The following PNLIP variants were observed in gnomAD, a reference collection of about 807,000 sequenced individuals.
PNLIP encodes pancreatic triacylglycerol lipase.
PNLIP carries 49 observed loss-of-function variants against 57.1 expected under a neutral mutation model. The ratio of observed to expected loss-of-function variants is 0.86; its 90% CI spans 0.68 to 1.09. The LOEUF (loss-of-function observed/expected upper bound fraction) is 1.09. PNLIP is among the 50% of genes least tolerant of loss of function. PNLIP has a pLI of 0.00. For synonymous variants in PNLIP, 209 were observed against 200.4 expected, an observed-to-expected ratio of 1.04 and a Z score of -0.36; for missense variants, 503 against 570.2, an observed-to-expected ratio of 0.88 and a Z score of 1.20.
intron 12 of PNLIP, 42 bp from the exon 13 acceptor site, chr10:116,567,693 G>T (rs765041132): frequency 1.4e-5 from 21 of 1,532,634 alleles, no homozygotes; most frequent in Non-Finnish European, 1.9e-5. Context: ...CCAGATATGT[G>T]CCAGGAAGAG....
Position 116,553,793 on chromosome 10 carries a change from G to A in PNLIP, c.526G>A (p.Gly176Arg), listed in dbSNP as rs1339962883. ...CCACAGCCTGGGTGCCCACGCTGCT[G>A]GGGAGGCTGGAAGGAGAACCAATGG... ...IGHSLGAHAA[G>R]EAGRRTNGTI... The change falls in exon 6 of 13, where the codon GGG becomes AGG. Residue 176 changes from glycine to arginine, a missense_variant. By Grantham distance (125) the Gly-to-Arg change is moderately radical. Transcript: ENST00000369221. The A allele has an allele frequency of 1.9e-6, 3 of 1,613,248 alleles. No homozygotes were observed. Among genetic ancestry groups the A allele is most frequent in the Non-Finnish European group, 1.7e-6 (2 of 1,179,538 alleles).
chr10:116,556,223 G>C (rs1400940831), intron 9 of PNLIP, 105 bp downstream of exon 9: 6 of 690,214 alleles, frequency 8.7e-6, no homozygotes, highest in Non-Finnish European at 1.3e-5. Context: ...TTATACTTTT[G>C]AACTTATACA....
Position 116,555,225 on chromosome 10 carries a change from C to A in PNLIP, c.619C>A (p.Arg207=). The A allele has an allele frequency of 6.2e-7, 1 of 1,614,166 alleles. No individual in the cohort carries two copies. The highest frequency in any genetic ancestry group is 1.1e-5 in the South Asian group (1 of 91,084). The change falls in exon 7 of 13, where the codon CGA becomes AGA. Residue 207 remains arginine (R), a synonymous_variant. Coordinates refer to ENST00000369221, the MANE Select transcript of PNLIP (RefSeq NM_000936.4). ...PCFQGTPELV[R]LDPSDAKFVD... ...CTTTCAGGGCACACCTGAATTAGTC[C>A]GATTGGACCCCAGCGATGCCAAATT...
Position 116,547,371 on chromosome 10 carries a change from C to T in PNLIP, c.124C>T (p.His42Tyr). Reference sequence around the variant, plus strand: ...GTCAGGAATTACGGAAAGACCCCTCCATATATTGCCTTGGTCTCCAAAAGA... The same window carrying T: ...GTCAGGAATTACGGAAAGACCCCTCTATATATTGCCTTGGTCTCCAAAAGA... ...PWSGITERPL[H>Y]ILPWSPKDVN... Residue 42 changes from histidine (H) to tyrosine (Y), a missense_variant, in exon 3 of 13, where the codon CAT becomes TAT. By Grantham distance (83) the His-to-Tyr change is moderately conservative. Transcript: ENST00000369221. 6.2e-7 allele frequency: 1 copy of T among 1,613,920 alleles called. No homozygotes were observed. Among genetic ancestry groups the T allele is most frequent in the Non-Finnish European group, 8.5e-7 (1 of 1,179,834 alleles).
Position 116,553,781 on chromosome 10 carries a change from G to A in PNLIP, c.514G>A (p.Ala172Thr). Residue 172 changes from alanine (A) to threonine (T), a missense_variant, in exon 6 of 13, where the codon GCC (alanine) becomes ACC (threonine). Transcript: ENST00000369221. ...NVHVIGHSLG[A>T]HAAGEAGRRT... ...GCATGTCATTGGCCACAGCCTGGGT[G>A]CCCACGCTGCTGGGGAGGCTGGAAG... 6.2e-7 allele frequency: 1 copy of A among 1,613,266 alleles called. No individual in the cohort carries two copies. The highest frequency in any genetic ancestry group is 8.5e-7 in the Non-Finnish European group (1 of 1,179,450).
Position 116,567,824 on chromosome 10 carries a change from A to G in PNLIP, c.*26A>G. The G allele has an allele frequency of 1.3e-6, 2 of 1,556,582 alleles. No homozygotes were observed. Among genetic ancestry groups the G allele is most frequent in the Non-Finnish European group, 1.8e-6 (2 of 1,127,538 alleles). On this transcript the variant is annotated 3_prime_UTR_variant, in exon 13 of 13. Transcript: ENST00000369221. The stretch of plus-strand genomic sequence containing the variant: ...GAGACTACTGTTATTTGACCAATGA[A>G]TTGACTTCTAATAAAATCTAGTGGT...
intron 2 of PNLIP, among the ~76,000 whole-genome samples, chr10:116,546,967 G>A (rs920363010): frequency 7.2e-5 from 11 of 152,178 alleles, no homozygotes; most frequent in Non-Finnish European, 1.6e-4. Context: ...TAAGGCTTAG[G>A]GACACAGGGC....
chr10:116,558,638 T>C (rs1847281794), intron 9 of PNLIP, among the ~76,000 whole-genome samples: 1 of 152,072 alleles, frequency 6.6e-6, no homozygotes, highest in Admixed American at 6.6e-5. Flanking sequence ...TTTGTTTTTT[T>C]TTTGAGATGG....
At chr10:116,564,108 C>A (rs184796799) in intron 12 of PNLIP, among the ~76,000 whole-genome samples, 31 of 152,026 alleles carry the variant, frequency 2.0e-4, no homozygotes, top group Non-Finnish European at 2.8e-4. Flanking sequence ...AGCACAGCAC[C>A]AATACACATA....
At chr10:116,563,603 C>G (rs899919807) in intron 12 of PNLIP, among the ~76,000 whole-genome samples, 10 of 152,148 alleles carry the variant, frequency 6.6e-5, no homozygotes, top group Non-Finnish European at 5.9e-5. Context: ...TTTGCGTCAT[C>G]ATAGCTTAGC....
rs750813135 is a variant in PNLIP at position 116,555,556 on chromosome 10, T to C, written c.811+49T>C. The C allele has an allele frequency of 6.3e-6, 10 of 1,591,138 alleles. No homozygotes were observed. The South Asian group carries it at 1.1e-4, about 18-fold the overall frequency. The stretch of plus-strand genomic sequence containing the variant: ...AGATCTTCTTGGGAGAAAGCTTGTG[T>C]TTTGTTTTGCTAAACTTGCTAAATT... On this transcript the variant is annotated intron_variant, in intron 8 of 12. Transcript: ENST00000369221.
intron 10 of PNLIP, 76 bp downstream of exon 10, chr10:116,559,359 C>G: frequency 8.8e-7 from 1 of 1,139,428 alleles, no homozygotes; most frequent in South Asian, 1.5e-5. Flanking sequence ...AATGTGCATA[C>G]TTGCTTTTCT....
At chr10:116,550,548 C>T (rs1001110480) in intron 4 of PNLIP, among the ~76,000 whole-genome samples, 3 of 152,098 alleles carry the variant, frequency 2.0e-5, no homozygotes, top group Non-Finnish European at 4.4e-5. Flanking sequence ...CAATAAAACA[C>T]GTTCATCCAA....
intron 2 of PNLIP, among the ~76,000 whole-genome samples, chr10:116,546,464 A>C: frequency 6.6e-6 from 1 of 152,208 alleles, no homozygotes; most frequent in South Asian, 2.1e-4. Context: ...CCCTGACATC[A>C]AGTCAAGTTA....
chr10:116,567,223 C>G (rs1017107575), intron 12 of PNLIP, among the ~76,000 whole-genome samples: 3 of 140,348 alleles, frequency 2.1e-5, no homozygotes, highest in African/African-American at 7.9e-5. Flanking sequence ...TTCTCTCTTT[C>G]TTTCTTCTTT....
At position 116,567,771 on chromosome 10, in the gene PNLIP, A is replaced by C; in HGVS notation, c.1371A>C (p.Glu457Asp). The C allele has an allele frequency of 6.2e-7, 1 of 1,613,944 alleles. No homozygotes were observed. Among genetic ancestry groups the C allele is most frequent in the Non-Finnish European group, 8.5e-7 (1 of 1,179,780 alleles). The change falls in exon 13 of 13, where the codon GAA (glutamate) becomes GAC (aspartate). Residue 457 changes from glutamate to aspartate, a missense_variant. Coordinates refer to ENST00000369221, the MANE Select transcript of PNLIP (RefSeq NM_000936.4). ...GTAGTCCAGAAACCGTCAGGGAGGA[A>C]GTTCTGCTCACCCTCACACCGTGTT... The part of the protein sequence containing the change: ...NFCSPETVRE[E>D]VLLTLTPC
At chr10:116,565,264 A>AAAAAAAAAAAG (rs1483628139) in intron 12 of PNLIP, among the ~76,000 whole-genome samples, 12 of 149,344 alleles carry the variant, frequency 8.0e-5, no homozygotes, top group Non-Finnish European at 8.9e-5. Context: ...AAAAAAAAAA[A>AAAAAAAAAAAG]AAAAAAAGAG....
intron 4 of PNLIP, among the ~76,000 whole-genome samples, chr10:116,550,032 T>C (rs1348280010): frequency 6.6e-6 from 1 of 151,744 alleles, no homozygotes; most frequent in Non-Finnish European, 1.5e-5. Context: ...ATTTCTAAGA[T>C]TGTTCCATTA....
chr10:116,548,077 GCACA>G (rs140104163), intron 3 of PNLIP, among the ~76,000 whole-genome samples: 6 of 148,854 alleles, frequency 4.0e-5, no homozygotes, highest in African/African-American at 1.5e-4. Context: ...ATACACACAC[GCACA>G]CACACACACA....
Sources: allele counts gnomAD v4.1 joint callset (sites outside exome capture counted in the v4.1 genomes callset), GRCh38; gene constraint gnomAD v4.1.1; transcripts MANE v1.5; gene names NCBI Gene and HGNC (gene_info 2026-07-23, HGNC 2026-07-21).